Variants in SEZ6 observed in about 807,000 individuals in gnomAD.
SEZ6 encodes the protein seizure protein 6 homolog.
A neutral mutation model predicts 101.0 loss-of-function variants in SEZ6; 53 were observed. That is an observed-to-expected ratio of 0.52 (90% CI 0.42 to 0.66). The LOEUF (loss-of-function observed/expected upper bound fraction) is 0.66, where lower values mean the gene tolerates loss of function less well. SEZ6 is among the 30% of genes least tolerant of loss of function. The probability of loss-of-function intolerance (pLI) is 0.00; values close to 1 mark genes in which losing one functional copy is unlikely to be tolerated. For missense variants in SEZ6, 1,102 were observed against 1,289.4 expected (o/e 0.85, Z 2.23); for synonymous variants, 488 against 512.2 (o/e 0.95, Z 0.64).
At chr17:28,985,616 G>A (rs1752685318) in intron 1 of SEZ6, among the ~76,000 whole-genome samples, 1 of 152,232 alleles carries the variant, frequency 6.6e-6, no homozygotes, top group African/African-American at 2.4e-5. Flanking sequence ...GAAGGCCACA[G>A]TCAGAGGTTA....
chr17:28,972,605 G>A (rs916499306), intron 3 of SEZ6, among the ~76,000 whole-genome samples: 14 of 152,208 alleles, frequency 9.2e-5, no homozygotes, highest in African/African-American at 2.7e-4. Flanking sequence ...ACGTTTGGGC[G>A]GAGGCTGCCT....
At position 28,956,218 on chromosome 17, in the gene SEZ6, G is replaced by A. The variant is rs201204428; in HGVS notation, c.2893C>T (p.Arg965Cys). The A allele has an allele frequency of 2.4e-4, 162 of 666,916 alleles. No individual in the cohort carries two copies. Among genetic ancestry groups the A allele is most frequent in the Admixed American group, 3.7e-4 (18 of 49,196 alleles). 41.3% of individuals were successfully genotyped at this position (666,916 alleles called of 1,614,324 possible). ...TCTATGGTAATGCGGTTGTAGGGGCGGGGGCGGGGGCGGGGCAGCTGCAGG... is the reference window on the plus strand; with the variant it reads ...TCTATGGTAATGCGGTTGTAGGGGCAGGGGCGGGGGCGGGGCAGCTGCAGG... ...SSLQLPRPRP[R>C]PYNRITIESA... Residue 965 changes from arginine to cysteine, a missense_variant, in exon 16 of 17, where the codon CGC becomes TGC. Arg to Cys is a radical substitution (Grantham distance 180). Around this residue, in one of 3 missense-constraint regions of SEZ6, gnomAD observed 140 missense variants for 135.7 expected, o/e 1.03. Coordinates refer to ENST00000317338, the MANE Select transcript of SEZ6 (RefSeq NM_178860.5).
chr17:28,988,243 A>T (rs114355357), intron 1 of SEZ6, among the ~76,000 whole-genome samples: 2,457 of 152,188 alleles, frequency 0.016, 60 homozygotes, highest in African/African-American at 0.056. Context: ...CTGGAGATCC[A>T]TCCTTGCCTG....
At position 28,955,547 on chromosome 17, in the gene SEZ6, G is replaced by T; in HGVS notation, c.*415C>A. 2.2e-6 allele frequency: 1 copy of T among 448,490 alleles called. No homozygotes were observed. The highest frequency in any genetic ancestry group is 1.6e-5 in the South Asian group (1 of 62,098). 27.8% of individuals were successfully genotyped at this position (448,490 alleles called of 1,614,324 possible). On this transcript the variant is annotated 3_prime_UTR_variant, in exon 17 of 17. Transcript: ENST00000317338. ...GCGCTGTGAGGAGTACCCTGGTGCA[G>T]TTCCCACCATGGTCAAGTTAATCCT...
Position 28,958,194 on chromosome 17 carries a change from G to T in SEZ6, c.2108-53C>A, listed in dbSNP as rs906557071. The stretch of plus-strand genomic sequence containing the variant: ...GCCCTCGGCCAGCACCAAAGTGACT[G>T]TCCCCCTCACCTTGAGGGCACTCTG... On this transcript the variant is annotated intron_variant, in intron 10 of 16. Coordinates refer to ENST00000317338, the MANE Select transcript of SEZ6 (RefSeq NM_178860.5). 3 of 1,542,430 alleles carry T rather than the reference G, an allele frequency of 1.9e-6. No individual in the cohort carries two copies. The African/African-American group carries it at 4.1e-5, about 21-fold the overall frequency.
At position 28,962,951 on chromosome 17, in the gene SEZ6, C is replaced by T. The variant is rs549238812; in HGVS notation, c.1240+1011G>A. 9.9e-5 allele frequency among the ~76,000 whole-genome samples: 15 copies of T among 151,930 alleles called. No homozygotes were observed. The South Asian group carries it at 1.2e-3, about 13-fold the overall frequency. On this transcript the variant is annotated intron_variant, in intron 5 of 16. Transcript: ENST00000317338. ...CATCTTGGCTAACATGGTGAAACCC[C>T]ATCTCTACTAAAAATACAAAAAATT...
At position 28,987,504 on chromosome 17, in the gene SEZ6, T is replaced by C. The variant is rs1327061879; in HGVS notation, c.56-5465A>G. 6.6e-5 allele frequency among the ~76,000 whole-genome samples: 10 copies of C among 152,202 alleles called. No individual in the cohort carries two copies. The East Asian group carries it at 1.9e-3, about 29-fold the overall frequency. ...CAGTGTCCAGCACCTGAGGCAGGTT[T>C]GCTGCTATCCATCTGCTTGTATTGA... On this transcript the variant is annotated intron_variant, in intron 1 of 16. Transcript: ENST00000317338.
intron 14 of SEZ6, 46 bp downstream of exon 14, chr17:28,956,673 C>A: frequency 6.4e-7 from 1 of 1,553,124 alleles, no homozygotes; most frequent in South Asian, 1.2e-5. Flanking sequence ...CCGTGAGAAC[C>A]AGGACCAGGG....
rs2040900480 is a variant in SEZ6, at chr17:28,957,430, C to T, written c.2412G>A (p.Val804=). ...TVQYICDQGF[V]LMGSSILTCH... ...AGGTGAGGATGGAGCTGCCCATCAG[C>T]ACAAAACCCTGGTCACAGATATATT... Residue 804 remains valine (V), a synonymous_variant, in exon 12 of 17, where the codon GTG becomes GTA. Transcript: ENST00000317338. The T allele has an allele frequency of 6.2e-7, 1 of 1,613,822 alleles. No individual in the cohort carries two copies. Among genetic ancestry groups the T allele is most frequent in the Admixed American group, 1.7e-5 (1 of 60,022 alleles).
intron 11 of SEZ6, 154 bp downstream of exon 11, chr17:28,957,793 T>A: frequency 3.1e-6 from 3 of 956,222 alleles, no homozygotes. Context: ...ATGAAAAGTA[T>A]CATCCCCATT....
chr17:28,986,571 G>A (rs1426728051), intron 1 of SEZ6, among the ~76,000 whole-genome samples: 1 of 152,234 alleles, frequency 6.6e-6, no homozygotes, highest in African/African-American at 2.4e-5. Context: ...GTTCACAGTG[G>A]TGGTGTGCGG....
chr17:29,004,625 C>T (rs2041660349), intron 1 of SEZ6, among the ~76,000 whole-genome samples: 2 of 152,194 alleles, frequency 1.3e-5, no homozygotes, highest in African/African-American at 2.4e-5. Flanking sequence ...GCCTTGACCT[C>T]GGCAGCGGCC....
In SEZ6 at chr17:28,959,681, C is replaced by G. The variant is rs554421686; in HGVS notation, c.1771+17G>C. The G allele has an allele frequency of 3.4e-5, 54 of 1,568,720 alleles. No homozygotes were observed. In the South Asian group the frequency reaches 5.9e-4, roughly 17 times the overall value. ...CTGCCTTTTGCCCGGTAGGCCCATC[C>G]ACTGGTGTCTACTGACCTCGGCAGG... On this transcript the variant is annotated intron_variant, in intron 8 of 16. Coordinates refer to ENST00000317338, the MANE Select transcript of SEZ6 (RefSeq NM_178860.5). This position sits in a 1 kb window ranked among gnomAD's most constrained non-coding sequence, Gnocchi z 4.4.
intron 3 of SEZ6, among the ~76,000 whole-genome samples, chr17:28,978,826 G>C (rs1327435069): frequency 6.6e-6 from 1 of 152,042 alleles, no homozygotes; most frequent in Non-Finnish European, 1.5e-5. Flanking sequence ...CATCAGGGGA[G>C]GGATGGTGGG....
intron 10 of SEZ6, 140 bp downstream of exon 10, chr17:28,958,885 A>AGGAAG (rs2040926945): frequency 2.1e-6 from 2 of 955,160 alleles, no homozygotes; most frequent in African/African-American, 1.7e-5. Context: ...GGAGAACAGG[A>AGGAAG]CTAGCTTCCT....
In SEZ6 at chr17:28,961,107, C is replaced by T. The variant is rs150255328; in HGVS notation, c.1241-134G>A. 439 of 1,137,732 alleles carry T rather than the reference C, an allele frequency of 3.9e-4. No homozygotes were observed. In the African/African-American group the frequency reaches 6.0e-3, roughly 15 times the overall value. 70.5% of individuals were successfully genotyped at this position (1,137,732 alleles called of 1,614,324 possible). On this transcript the variant is annotated intron_variant, in intron 5 of 16. Transcript: ENST00000317338. ...ACCTTGCCTCCCTGCCATCTTGGCC[C>T]TCATCGTCCTGAAGGTCAACCTTTT...
intron 1 of SEZ6, among the ~76,000 whole-genome samples, chr17:28,999,966 A>G (rs2152693558): frequency 6.6e-6 from 1 of 152,342 alleles, no homozygotes; most frequent in East Asian, 1.9e-4. Context: ...TCATCACCAG[A>G]AATGTGCTAG....
intron 3 of SEZ6, among the ~76,000 whole-genome samples, 168 bp downstream of exon 3, chr17:28,979,511 AC>A (rs1405727516): frequency 6.6e-6 from 1 of 152,214 alleles, no homozygotes; most frequent in Non-Finnish European, 1.5e-5. Flanking sequence ...ATTGCCAAAC[AC>A]ACGGGGCAGA....
intron 4 of SEZ6, among the ~76,000 whole-genome samples, chr17:28,968,838 C>A (rs1406455488): frequency 6.6e-6 from 1 of 152,208 alleles, no homozygotes; most frequent in Non-Finnish European, 1.5e-5. Flanking sequence ...TCCCTAGTCT[C>A]AAATAGTTAA....
Sources: gnomAD v4.1 joint callset for allele counts (sites outside exome capture counted in the v4.1 genomes callset) on GRCh38, gnomAD v4.1.1 for gene constraint, gnomAD v4.1.1 regional missense constraint, Gnocchi (gnomAD v3.1) non-coding constraint, MANE v1.5 for transcripts, NCBI Gene and HGNC (gene_info 2026-07-23, HGNC 2026-07-21) for gene names.